WIZ: variants seen among roughly 807,000 people sequenced by gnomAD.
WIZ encodes WIZ zinc finger.
In WIZ, 25 loss-of-function variants were observed where a neutral mutation model predicts 140.2. The observed-to-expected ratio is 0.18, with a 90% CI of 0.13 to 0.25. WIZ has a LOEUF of 0.25. Among genes scored for constraint, WIZ ranks in the 10% least tolerant of loss-of-function variants. The probability of loss-of-function intolerance (pLI) is 1.00; values close to 1 mark genes in which losing one functional copy is unlikely to be tolerated. For synonymous variants in WIZ, 1,125 were observed against 1,154.3 expected, an observed-to-expected ratio of 0.97 and a Z score of 0.51; for missense variants, 2,231 against 2,632.6, an observed-to-expected ratio of 0.85 and a Z score of 3.34.
chr19:15,432,348 T>G (rs1441129246), intron 5 of WIZ: 1 of 802,918 alleles, frequency 1.2e-6, no homozygotes, highest in Non-Finnish European at 1.5e-6. Flanking sequence ...TCCCGCAGAC[T>G]GGACGGAAGG....
At position 15,425,028 on chromosome 19, in the gene WIZ, G is replaced by T; in HGVS notation, c.4899C>A (p.Thr1633=). ...TLHEKTSHSS[T]EACCELCGLY... ...GGCCACACAGCTCGCAGCAGGCCTC[G>T]GTGGCTGCGGGGCGGAGGGGGTGCT... The change falls in exon 11 of 13, where the codon ACC becomes ACA. Residue 1633 remains threonine (T), a synonymous_variant. Coordinates refer to ENST00000673675, the MANE Select transcript of WIZ (RefSeq NM_001371589.1). 6.3e-7 allele frequency: 1 copy of T among 1,578,610 alleles called. No individual in the cohort carries two copies. Among genetic ancestry groups the T allele is most frequent in the East Asian group, 2.3e-5 (1 of 43,814 alleles).
chr19:15,428,293 G>A lies in WIZ; in HGVS notation c.3631C>T (p.His1211Tyr), dbSNP rs1391669079. Residue 1211 changes from histidine (H) to tyrosine (Y), a missense_variant, in exon 8 of 13, where the codon CAC becomes TAC. His to Tyr is a moderately conservative substitution (Grantham distance 83). Around this residue, in one of 15 missense-constraint regions of WIZ, gnomAD observed 141 missense variants for 161.2 expected, o/e 0.87. Transcript: ENST00000673675. This position sits in a 1 kb window ranked among gnomAD's most constrained non-coding sequence, Gnocchi z 6.4. ...GAGGTGGGAGGCGGCCGCCCCGGGT[G>A]GGCCAGGGCGCCGCGCCTGGGTGGG... ...RLPPRRGALA[H>Y]PGRPPPTSAA... The A allele has an allele frequency of 6.5e-7, 1 of 1,530,254 alleles. No homozygotes were observed. The highest frequency in any genetic ancestry group is 2.0e-5 in the Admixed American group (1 of 50,228). The allele number at this position is 1,530,254 out of a possible 1,614,324, so 94.8% of individuals were successfully genotyped here.
Position 15,428,053 on chromosome 19 carries a change from C to CG in WIZ, c.3814+56_3814+57insC. On this transcript the variant is annotated intron_variant, in intron 8 of 12. Transcript: ENST00000673675. This position sits in a 1 kb window ranked among gnomAD's most constrained non-coding sequence, Gnocchi z 6.4. ...GCAGGGAGGGGGCTGTGACCCCCCC[C>CG]CCGGGAGGGGCTCCAGGGCCCGCAG... 6.6e-7 allele frequency: 1 copy of CG among 1,517,790 alleles called. No homozygotes were observed. The highest frequency in any genetic ancestry group is 8.8e-7 in the Non-Finnish European group (1 of 1,139,834). 94.0% of individuals were successfully genotyped at this position (1,517,790 alleles called of 1,614,324 possible). A position where few individuals can be genotyped will look rare whatever the true frequency, so the allele number is the denominator to read the frequency against.
At position 15,436,954 on chromosome 19, in the gene WIZ, G is replaced by A. The variant is rs1395672606; in HGVS notation, c.2592C>T (p.Thr864=). The part of the protein sequence containing the change: ...PINILQELLA[T]SAAEQPPSPL... ...GGCTGGGGGGCTGCTCAGCAGCAGAGGTGGCCAGCAGCTCCTGCAGGATGT... is the reference window on the plus strand; with the variant it reads ...GGCTGGGGGGCTGCTCAGCAGCAGAAGTGGCCAGCAGCTCCTGCAGGATGT... The change falls in exon 5 of 13, where the codon ACC becomes ACT. Residue 864 remains threonine (T), a synonymous_variant. Transcript: ENST00000673675. The A allele has an allele frequency of 3.1e-6, 5 of 1,613,634 alleles. No homozygotes were observed. Among genetic ancestry groups the A allele is most frequent in the South Asian group, 1.1e-5 (1 of 91,048 alleles).
Position 15,427,031 on chromosome 19 carries a change from A to G in WIZ, c.4317T>C (p.Ser1439=), listed in dbSNP as rs1968870455. The change falls in exon 9 of 13, where the codon TCT becomes TCC. Residue 1439 remains serine (S), a synonymous_variant. Transcript: ENST00000673675. This position sits in a 1 kb window ranked among gnomAD's most constrained non-coding sequence, Gnocchi z 6.4. ...CCCGTGGTGCCCCCCAGGGACCCTC[A>G]GATGGGTGCAGTTCCCCATGAAGGG... ...PGALHGELHP[S]EGPWGAPRED... 6.2e-7 allele frequency: 1 copy of G among 1,614,196 alleles called. No individual in the cohort carries two copies. Among genetic ancestry groups the G allele is most frequent in the Non-Finnish European group, 8.5e-7 (1 of 1,180,012 alleles).
intron 7 of WIZ, among the ~76,000 whole-genome samples, chr19:15,429,315 C>T (rs1388741760): frequency 6.6e-6 from 1 of 152,180 alleles, no homozygotes; most frequent in African/African-American, 2.4e-5. Context: ...CCCTCAGTGG[C>T]GAGCATGACC....
In WIZ at chr19:15,422,659, T is replaced by A. The variant is rs868280783; in HGVS notation, c.*417A>T. 2.6e-5 allele frequency: 5 copies of A among 193,118 alleles called. No homozygotes were observed. Among genetic ancestry groups the A allele is most frequent in the Middle Eastern group, 2.0e-3 (1 of 492 alleles). The allele number at this position is 193,118 out of a possible 1,614,324, so 12.0% of individuals were successfully genotyped here. A position where few individuals can be genotyped will look rare whatever the true frequency, so the allele number is the denominator to read the frequency against. ...CGTGTTGTGTGTGTTCGCATGTACA[T>A]GTGTGTGAGAGGATATTCATGGGGG... On this transcript the variant is annotated 3_prime_UTR_variant, in exon 13 of 13. Coordinates refer to ENST00000673675, the MANE Select transcript of WIZ (RefSeq NM_001371589.1).
chr19:15,436,990 G>A lies in WIZ; in HGVS notation c.2556C>T (p.Val852=). 1 of 1,613,946 alleles carries A rather than the reference G, an allele frequency of 6.2e-7. No homozygotes were observed. The highest frequency in any genetic ancestry group is 1.1e-5 in the South Asian group (1 of 91,056). The change falls in exon 5 of 13, where the codon GTC becomes GTT. Residue 852 remains valine, a synonymous_variant. Coordinates refer to ENST00000673675, the MANE Select transcript of WIZ (RefSeq NM_001371589.1). ...GCTCCTGCAGGATGTTGATGGGTGA[G>A]ACAGTGAGCTCCCAGTTGGTGATAC... ...DFGITNWELT[V]SPINILQELL... is the part of the protein sequence containing the mutation.
chr19:15,441,953 G>A (rs1458078009), intron 3 of WIZ, among the ~76,000 whole-genome samples: 1 of 152,178 alleles, frequency 6.6e-6, no homozygotes, highest in Non-Finnish European at 1.5e-5. Flanking sequence ...TTGGGAGGCT[G>A]AGGTGGGTGG....
intron 4 of WIZ, among the ~76,000 whole-genome samples, chr19:15,437,980 A>T (rs1969577415): frequency 6.7e-6 from 1 of 149,100 alleles, no homozygotes; most frequent in East Asian, 2.0e-4. Context: ...CTTGCCCCCA[A>T]CCCCTAGTGC....
At chr19:15,434,006 G>A (rs1481937376) in intron 5 of WIZ, among the ~76,000 whole-genome samples, 1 of 152,208 alleles carries the variant, frequency 6.6e-6, no homozygotes, top group Non-Finnish European at 1.5e-5. Flanking sequence ...TGTAATCCCA[G>A]CACTTTGGGA....
chr19:15,436,053 G>T (rs1195151358), intron 5 of WIZ, among the ~76,000 whole-genome samples: 2 of 152,232 alleles, frequency 1.3e-5, no homozygotes, highest in Admixed American at 6.5e-5. Flanking sequence ...AACCCCGGAG[G>T]CGGAGGTTGC....
At chr19:15,447,321 T>A (rs190714722) in intron 2 of WIZ, among the ~76,000 whole-genome samples, 91 of 152,314 alleles carry the variant, frequency 6.0e-4, no homozygotes, top group African/African-American at 2.1e-3. Flanking sequence ...ATTCACTCCA[T>A]GCTCCATTCA....
Position 15,422,787 on chromosome 19 carries a change from T to C in WIZ, c.*289A>G, listed in dbSNP as rs1241255862. On this transcript the variant is annotated 3_prime_UTR_variant, in exon 13 of 13. Transcript: ENST00000673675. ...TAGACGGGGGAGTGCTGTCCTCCCC[T>C]GTGACCAGACCGGCTGCCATCAGAG... The C allele has an allele frequency of 9.9e-6, 5 of 505,310 alleles. No homozygotes were observed. Among genetic ancestry groups the C allele is most frequent in the South Asian group, 7.7e-5 (3 of 39,044 alleles). The allele number at this position is 505,310 out of a possible 1,614,324, so 31.3% of individuals were successfully genotyped here. A position where few individuals can be genotyped will look rare whatever the true frequency, so the allele number is the denominator to read the frequency against.
chr19:15,439,429 A>C lies in WIZ; in HGVS notation c.1565T>G (p.Val522Gly). 1.3e-6 allele frequency: 2 copies of C among 1,530,852 alleles called. No individual in the cohort carries two copies. The highest frequency in any genetic ancestry group is 1.7e-6 in the Non-Finnish European group (2 of 1,143,576). 94.8% of individuals were successfully genotyped at this position (1,530,852 alleles called of 1,614,324 possible). ...DAHACFPDTA[V>G]DYFGKAEPSL... is the part of the protein sequence containing the mutation. ...CGGCTCAGCTTTGCCAAAGTAGTCC[A>C]CAGCAGTGTCAGGGAAGCAGGCGTG... Residue 522 changes from valine (V) to glycine (G), a missense_variant, in exon 4 of 13, where the codon GTG (valine) becomes GGG (glycine). Coordinates refer to ENST00000673675, the MANE Select transcript of WIZ (RefSeq NM_001371589.1). The surrounding 1 kb of genome is among the most constrained non-coding windows in gnomAD (Gnocchi z 7.0).
rs991061977 is a variant in WIZ at position 15,438,784 on chromosome 19, T to G, written c.2210A>C (p.Asp737Ala). ...GGPLGLDTLLDGDPAMALKHE... is the reference protein window; with the variant it reads ...GGPLGLDTLLAGDPAMALKHE... The stretch of plus-strand genomic sequence containing the variant: ...CTTCAGTGCCATGGCCGGATCCCCA[T>G]CCAGGAGTGTGTCCAGCCCCAGCGG... Residue 737 changes from aspartate to alanine, a missense_variant, in exon 4 of 13, where the codon GAT (aspartate) becomes GCT (alanine). Physicochemically the swap from Asp to Ala is moderately radical, Grantham distance 126 (BLOSUM62 -2). Around this residue, in one of 15 missense-constraint regions of WIZ, gnomAD observed 118 missense variants for 209.1 expected, o/e 0.56. Transcript: ENST00000673675. 1.3e-6 allele frequency: 2 copies of G among 1,530,656 alleles called. No homozygotes were observed. Among genetic ancestry groups the G allele is most frequent in the Non-Finnish European group, 1.8e-6 (2 of 1,142,634 alleles). The allele number at this position is 1,530,656 out of a possible 1,614,324, so 94.8% of individuals were successfully genotyped here. A position where few individuals can be genotyped will look rare whatever the true frequency, so the allele number is the denominator to read the frequency against.
At chr19:15,446,217 G>A (rs1360873366) in intron 2 of WIZ, among the ~76,000 whole-genome samples, 8 of 152,132 alleles carry the variant, frequency 5.3e-5, no homozygotes, top group Admixed American at 5.2e-4. Context: ...TGATTCCCCA[G>A]TGGGAGTGAG....
chr19:15,430,130 C>T, intron 6 of WIZ, 41 bp from the exon 7 acceptor site: 2 of 1,468,516 alleles, frequency 1.4e-6, no homozygotes, highest in Non-Finnish European at 1.8e-6. Context: ...GGCTGTGAGG[C>T]CCACGGCCCA....
At chr19:15,429,484 G>GCCCC in intron 7 of WIZ, 102 bp downstream of exon 7, 75 of 318,968 alleles carry the variant, frequency 2.4e-4, no homozygotes, top group Middle Eastern at 9.9e-4. Context: ...AGTCCCCACC[G>GCCCC]CCCCCACCCA....
Sources: gnomAD v4.1 joint callset for allele counts (sites outside exome capture counted in the v4.1 genomes callset) on GRCh38, gnomAD v4.1.1 for gene constraint, gnomAD v4.1.1 regional missense constraint, Gnocchi (gnomAD v3.1) non-coding constraint, MANE v1.5 for transcripts, NCBI Gene and HGNC (gene_info 2026-07-23, HGNC 2026-07-21) for gene names.